Variants in SHISA6 observed in about 807,000 individuals in gnomAD.
SHISA6 encodes the protein protein shisa-6.
In SHISA6, 22 loss-of-function variants were observed where a neutral mutation model predicts 47.9. The observed-to-expected ratio is 0.46, with a 90% CI of 0.33 to 0.66. SHISA6 has a LOEUF of 0.66. Among genes scored for constraint, SHISA6 ranks in the 30% least tolerant of loss-of-function variants. The probability of loss-of-function intolerance (pLI) is 0.02; values close to 1 mark genes in which losing one functional copy is unlikely to be tolerated. For missense variants in SHISA6, 680 were observed against 764.6 expected (o/e 0.89, Z 1.30); for synonymous variants, 388 against 337.8 (o/e 1.15, Z -1.63).
intron 1 of SHISA6, among the ~76,000 whole-genome samples, chr17:11,258,019 A>G (rs902350291): frequency 1.3e-5 from 2 of 152,230 alleles, no homozygotes; most frequent in African/African-American, 2.4e-5. Context: ...AATTATATTC[A>G]GTATACTTAA....
At chr17:11,418,180 TTTAA>T (rs1164504110) in intron 3 of SHISA6, among the ~76,000 whole-genome samples, 2 of 152,188 alleles carry the variant, frequency 1.3e-5, no homozygotes, top group African/African-American at 4.8e-5. Flanking sequence ...TGGGTTTATT[TTTAA>T]TTGTTATGAT....
chr17:11,522,796 T>C (rs1374195522), intron 3 of SHISA6, among the ~76,000 whole-genome samples: 1 of 152,208 alleles, frequency 6.6e-6, no homozygotes, highest in African/African-American at 2.4e-5. Context: ...GTAGACAGTG[T>C]ATTTCATATT....
chr17:11,307,677 G>A (rs1205692675), intron 2 of SHISA6, among the ~76,000 whole-genome samples: 1 of 152,226 alleles, frequency 6.6e-6, no homozygotes, highest in African/African-American at 2.4e-5. Flanking sequence ...ACATTGAGCA[G>A]TGTGCATCAT....
intron 3 of SHISA6, among the ~76,000 whole-genome samples, chr17:11,494,666 A>G (rs2071393578): frequency 6.6e-6 from 1 of 152,204 alleles, no homozygotes; most frequent in Non-Finnish European, 1.5e-5. Flanking sequence ...TGGAGCCATC[A>G]GGGGAAAGCT....
chr17:11,371,720 A>G (rs1309224893), intron 2 of SHISA6, among the ~76,000 whole-genome samples: 1 of 151,772 alleles, frequency 6.6e-6, no homozygotes, highest in Non-Finnish European at 1.5e-5. Context: ...TTTCAAATTA[A>G]AAAGTACAGA....
At chr17:11,529,395 T>A (rs1260806420) in intron 3 of SHISA6, among the ~76,000 whole-genome samples, 1 of 152,142 alleles carries the variant, frequency 6.6e-6, no homozygotes, top group East Asian at 1.9e-4. Context: ...AGGATTAAGA[T>A]AAATTGACAT....
At chr17:11,506,041 A>C (rs1463227679) in intron 3 of SHISA6, among the ~76,000 whole-genome samples, 3 of 152,126 alleles carry the variant, frequency 2.0e-5, no homozygotes, top group African/African-American at 4.8e-5. Context: ...GCAACTGACC[A>C]CTCCTAATGC....
chr17:11,381,983 T>G (rs1597485564), intron 3 of SHISA6, among the ~76,000 whole-genome samples: 1 of 152,296 alleles, frequency 6.6e-6, no homozygotes, highest in South Asian at 2.1e-4. Flanking sequence ...AGAGAACAGC[T>G]AAAGTTTCAA....
At chr17:11,373,094 G>A (rs1003866622) in intron 2 of SHISA6, among the ~76,000 whole-genome samples, 4 of 150,942 alleles carry the variant, frequency 2.7e-5, no homozygotes, top group African/African-American at 9.8e-5. Context: ...AATGAATTTG[G>A]GATTTGTGTA....
At chr17:11,355,039 CA>C (rs1912036304) in intron 2 of SHISA6, among the ~76,000 whole-genome samples, 1 of 152,178 alleles carries the variant, frequency 6.6e-6, no homozygotes, top group Admixed American at 6.5e-5. Flanking sequence ...CCAATAAATG[CA>C]GGTAATTACT....
chr17:11,560,262 G>A lies in SHISA6; in HGVS notation c.*1958G>A, dbSNP rs1338775306. 6.6e-6 allele frequency: 1 copy of A among 152,430 alleles called. No individual in the cohort carries two copies. Among genetic ancestry groups the A allele is most frequent in the South Asian group, 2.1e-4 (1 of 4,826 alleles). 9.4% of individuals were successfully genotyped at this position (152,430 alleles called of 1,614,324 possible). A position where few individuals can be genotyped will look rare whatever the true frequency, so the allele number is the denominator to read the frequency against. ...CACCCTGGATCTTAGGGGGATGGAG[G>A]CTGGGGGTTGTGAAAGCCACTGTCA... is the stretch of plus-strand genomic sequence containing the variant. On this transcript the variant is annotated 3_prime_UTR_variant, in exon 6 of 6. Transcript: ENST00000441885.
intron 2 of SHISA6, among the ~76,000 whole-genome samples, chr17:11,297,752 G>A (rs1909800388): frequency 6.6e-6 from 1 of 152,218 alleles, no homozygotes; most frequent in Non-Finnish European, 1.5e-5. Context: ...TCCCATCCAA[G>A]TGTAGCAGTA....
chr17:11,298,316 G>A (rs771546926), intron 2 of SHISA6, among the ~76,000 whole-genome samples: 1 of 152,172 alleles, frequency 6.6e-6, no homozygotes, highest in Non-Finnish European at 1.5e-5. Flanking sequence ...AATAAGAGAG[G>A]CTGCCTGGCC....
chr17:11,374,413 G>A (rs370411222), intron 2 of SHISA6, among the ~76,000 whole-genome samples: 179 of 151,890 alleles, frequency 1.2e-3, no homozygotes, highest in African/African-American at 4.2e-3. Context: ...TTCTTACTCT[G>A]AGATCATTAA....
intron 2 of SHISA6, among the ~76,000 whole-genome samples, chr17:11,338,993 A>G (rs1911424209): frequency 6.6e-6 from 1 of 152,126 alleles, no homozygotes; most frequent in African/African-American, 2.4e-5. Context: ...TGTTTAAAAT[A>G]TGGAAAAACA....
chr17:11,483,512 T>C (rs768300092), intron 3 of SHISA6, among the ~76,000 whole-genome samples: 3 of 152,160 alleles, frequency 2.0e-5, no homozygotes, highest in Non-Finnish European at 4.4e-5. Flanking sequence ...TGTAAAAGTT[T>C]AGAGCTGAGC....
intron 3 of SHISA6, among the ~76,000 whole-genome samples, chr17:11,453,133 C>G (rs570865881): frequency 3.3e-5 from 5 of 152,236 alleles, no homozygotes; most frequent in Admixed American, 3.3e-4. Context: ...AATCAATGCT[C>G]ATGATTTTGG....
chr17:11,414,215 C>T (rs970428477), intron 3 of SHISA6, among the ~76,000 whole-genome samples: 1 of 152,006 alleles, frequency 6.6e-6, no homozygotes, highest in Admixed American at 6.6e-5. Context: ...TTTACCAGAC[C>T]CTAAAATAAA....
rs546498657 is a variant in SHISA6 at position 11,484,479 on chromosome 17, C to T, written c.896-67417C>T. Among the ~76,000 whole-genome samples, 30 of 152,318 alleles carry T rather than the reference C, an allele frequency of 2.0e-4. No individual in the cohort carries two copies. In the South Asian group the frequency reaches 6.2e-3, roughly 32 times the overall value. ...GCAGTGACATGATCTTGGCTCACTG[C>T]AACCTCTGCCTCCTGGATTCAAATG... On this transcript the variant is annotated intron_variant, in intron 3 of 5. Coordinates refer to ENST00000441885, the MANE Select transcript of SHISA6 (RefSeq NM_207386.4).
Sources: allele counts gnomAD v4.1 joint callset (sites outside exome capture counted in the v4.1 genomes callset), GRCh38; gene constraint gnomAD v4.1.1; transcripts MANE v1.5; gene names NCBI Gene and HGNC (gene_info 2026-07-23, HGNC 2026-07-21).